The following METTL8 variants were observed in gnomAD, a reference collection of about 807,000 sequenced individuals.
METTL8 encodes the protein methyltransferase 8, tRNA N3-cytidine.
METTL8 carries 32 observed loss-of-function variants against 48.7 expected under a neutral mutation model. The observed-to-expected ratio is 0.66, with a 90% CI of 0.50 to 0.88. The LOEUF (loss-of-function observed/expected upper bound fraction) is 0.88, where lower values mean the gene tolerates loss of function less well. METTL8 is among the 40% of genes least tolerant of loss of function. METTL8 has a pLI of 0.00. For missense variants in METTL8, 464 were observed against 474.4 expected (o/e 0.98, Z 0.20); for synonymous variants, 136 against 157.1 (o/e 0.87, Z 1.01).
rs147994751 is a variant in METTL8 at position 171,380,452 on chromosome 2, C to A, written c.143+11591G>T. 4.2e-3 allele frequency among the ~76,000 whole-genome samples: 642 copies of A among 152,148 alleles called. 8 individuals are homozygous for A. Among genetic ancestry groups the A allele is most frequent in the African/African-American group, 0.014 (576 of 41,530 alleles). ...TGTATTCAAATAGGAAGAGAGGAAG[C>A]CAAATTGTCTCTGTTTGCAGATGAC... On this transcript the variant is annotated intron_variant, in intron 2 of 9. Coordinates refer to ENST00000375258, the MANE Select transcript of METTL8 (RefSeq NM_001321154.2).
chr2:171,411,624 A>G (rs1574190596), intron 1 of METTL8, among the ~76,000 whole-genome samples: 1 of 152,058 alleles, frequency 6.6e-6, no homozygotes, highest in Non-Finnish European at 1.5e-5. Context: ...ACCCGTTTGG[A>G]AAAAAAAGGT....
intron 2 of METTL8, among the ~76,000 whole-genome samples, chr2:171,362,562 A>T (rs1428813710): frequency 9.0e-6 from 1 of 110,712 alleles, no homozygotes; most frequent in African/African-American, 3.0e-5. Flanking sequence ...TCCTTAAAAA[A>T]ATAAAAATAA....
At chr2:171,368,289 T>A (rs1449644821) in intron 2 of METTL8, among the ~76,000 whole-genome samples, 1 of 152,238 alleles carries the variant, frequency 6.6e-6, no homozygotes, top group Admixed American at 6.5e-5. Flanking sequence ...AGTACTCATA[T>A]GAACTGTGAG....
intron 1 of METTL8, among the ~76,000 whole-genome samples, chr2:171,395,075 T>C (rs192774802): frequency 2.6e-5 from 4 of 152,350 alleles, no homozygotes; most frequent in African/African-American, 9.6e-5. Flanking sequence ...CCAAATAAAA[T>C]TGTGGTAGAA....
At position 171,323,825 on chromosome 2, in the gene METTL8, A is replaced by G. The variant is rs1051873149; in HGVS notation, c.*347T>C. The G allele has an allele frequency of 5.7e-6, 1 of 175,052 alleles. No homozygotes were observed. The highest frequency in any genetic ancestry group is 2.4e-5 in the African/African-American group (1 of 42,292). 10.8% of individuals were successfully genotyped at this position (175,052 alleles called of 1,614,324 possible). ...TGGTTTACTAAGCCTAAACAAATAA[A>G]CAATTTTTTTTACTTGCAAAAAATG... On this transcript the variant is annotated 3_prime_UTR_variant, in exon 10 of 10. Coordinates refer to ENST00000375258, the MANE Select transcript of METTL8 (RefSeq NM_001321154.2).
At chr2:171,391,759 C>T (rs1317409698) in intron 2 of METTL8, among the ~76,000 whole-genome samples, 1 of 152,108 alleles carries the variant, frequency 6.6e-6, no homozygotes, top group Non-Finnish European at 1.5e-5. Context: ...CTCACCCCCA[C>T]CCAGTGACAG....
intron 5 of METTL8, among the ~76,000 whole-genome samples, chr2:171,336,396 CTTTTTT>C (rs146097512): frequency 2.5e-5 from 2 of 80,780 alleles, no homozygotes; most frequent in South Asian, 4.8e-4. Context: ...CGCCCGACTG[CTTTTTT>C]TTTTTTTTTT....
chr2:171,357,266 T>C (rs1325192083), intron 3 of METTL8, among the ~76,000 whole-genome samples: 3 of 152,120 alleles, frequency 2.0e-5, no homozygotes, highest in Non-Finnish European at 4.4e-5. Flanking sequence ...GCCAACAATA[T>C]GATCTTACAC....
intron 3 of METTL8, among the ~76,000 whole-genome samples, chr2:171,343,338 C>T (rs563711284): frequency 1.3e-5 from 2 of 152,156 alleles, no homozygotes; most frequent in African/African-American, 4.8e-5. Context: ...ACTCAGGAGG[C>T]TGAGGCAGGA....
chr2:171,354,885 T>G (rs1684358567), intron 3 of METTL8, among the ~76,000 whole-genome samples: 1 of 152,134 alleles, frequency 6.6e-6, no homozygotes, highest in South Asian at 2.1e-4. Flanking sequence ...AGGTTTTTAG[T>G]TTCTTTGCAA....
At chr2:171,366,441 A>G (rs1276061447) in intron 2 of METTL8, among the ~76,000 whole-genome samples, 1 of 152,204 alleles carries the variant, frequency 6.6e-6, no homozygotes, top group Non-Finnish European at 1.5e-5. Flanking sequence ...GGAAGGCAAC[A>G]TAATCCAGAC....
chr2:171,378,280 T>G (rs556775797), intron 2 of METTL8, among the ~76,000 whole-genome samples: 1 of 152,172 alleles, frequency 6.6e-6, no homozygotes. Context: ...AAGCAGGGGT[T>G]GCAATTCTAG....
chr2:171,330,865 G>T (rs1217551451), intron 6 of METTL8, among the ~76,000 whole-genome samples, 167 bp from the exon 7 acceptor site: 2 of 151,852 alleles, frequency 1.3e-5, no homozygotes, highest in Non-Finnish European at 2.9e-5. Flanking sequence ...ATTTCAAGCT[G>T]CCCTAAAAAA....
At chr2:171,331,336 C>T (rs544489773) in intron 6 of METTL8, among the ~76,000 whole-genome samples, 126 of 151,928 alleles carry the variant, frequency 8.3e-4, no homozygotes, top group African/African-American at 2.8e-3. Flanking sequence ...GTCTCGATCT[C>T]CTGACCTTGT....
At chr2:171,372,257 A>C (rs1446885127) in intron 2 of METTL8, among the ~76,000 whole-genome samples, 1 of 152,176 alleles carries the variant, frequency 6.6e-6, no homozygotes, top group Admixed American at 6.5e-5. Flanking sequence ...GTAGATAGCA[A>C]GATGGGAAAT....
chr2:171,320,247 G>A lies in METTL8; in HGVS notation c.*3925C>T, dbSNP rs1184145908. On this transcript the variant is annotated 3_prime_UTR_variant, in exon 10 of 10. Coordinates refer to ENST00000375258, the MANE Select transcript of METTL8 (RefSeq NM_001321154.2). Reference sequence around the variant, plus strand: ...GACCAGGCAAGCAGAAGACACTGGTGGAAATGGCCCTGCTGCGCAGCCATG... The same window carrying A: ...GACCAGGCAAGCAGAAGACACTGGTAGAAATGGCCCTGCTGCGCAGCCATG... 6.6e-6 allele frequency: 1 copy of A among 151,914 alleles called. No homozygotes were observed. Among genetic ancestry groups the A allele is most frequent in the Non-Finnish European group, 1.5e-5 (1 of 67,976 alleles). The allele number at this position is 151,914 out of a possible 1,614,324, so 9.4% of individuals were successfully genotyped here.
intron 1 of METTL8, among the ~76,000 whole-genome samples, chr2:171,432,205 T>C (rs756304520): frequency 2.7e-5 from 4 of 150,262 alleles, no homozygotes; most frequent in Non-Finnish European, 4.4e-5. Context: ...GCTGCGGAGG[T>C]CTCCAGTGGC....
chr2:171,392,743 G>A (rs1309124205), intron 1 of METTL8, among the ~76,000 whole-genome samples: 1 of 152,004 alleles, frequency 6.6e-6, no homozygotes, highest in East Asian at 1.9e-4. Flanking sequence ...TAACAATCCT[G>A]TATACATATA....
intron 7 of METTL8, chr2:171,326,974 TCTC>T (rs796311500): frequency 2.0e-5 from 3 of 152,222 alleles, no homozygotes; most frequent in African/African-American, 7.2e-5. Context: ...GCTCTTAAGA[TCTC>T]CTACTACTGA....
Sources: allele counts gnomAD v4.1 joint callset (sites outside exome capture counted in the v4.1 genomes callset), GRCh38; gene constraint gnomAD v4.1.1; transcripts MANE v1.5; gene names NCBI Gene and HGNC (gene_info 2026-07-23, HGNC 2026-07-21).